Variants in RORB observed in about 807,000 individuals in gnomAD.
RORB encodes the protein nuclear receptor ROR-beta.
In RORB, 6 loss-of-function variants were observed where a neutral mutation model predicts 59.1. The ratio of observed to expected loss-of-function variants is 0.10; its 90% confidence interval spans 0.06 to 0.20. The LOEUF (loss-of-function observed/expected upper bound fraction) is 0.20. Among genes scored for constraint, RORB ranks in the 10% least tolerant of loss-of-function variants. The pLI is 1.00. For missense variants in RORB, 320 were observed against 560.5 expected, an observed-to-expected ratio of 0.57 and a Z score of 4.33; for synonymous variants, 215 against 204.5, an observed-to-expected ratio of 1.05 and a Z score of -0.44.
In RORB at chr9:74,549,458, GA is replaced by G. The variant is rs1189230585; in HGVS notation, c.7+51478del. Among the ~76,000 whole-genome samples, 199 of 118,228 alleles carry G rather than the reference GA, an allele frequency of 1.7e-3. 36 individuals are homozygous for G. The highest frequency in any genetic ancestry group is 6.3e-3 in the African/African-American group (191 of 30,496). The allele number at this position is 118,228 out of a possible 152,430, so 77.6% of individuals were successfully genotyped here. A position where few individuals can be genotyped will look rare whatever the true frequency, so the allele number is the denominator to read the frequency against. On this transcript the variant is annotated intron_variant, in intron 1 of 9. Coordinates refer to ENST00000376896, the MANE Select transcript of RORB (RefSeq NM_006914.4). The stretch of plus-strand genomic sequence containing the variant: ...AATTCCGTCAAAAAAAAAAAAAGAA[GA>G]AAGAGAGAGAGAGAGAGGTAGGGAG...
intron 1 of RORB, among the ~76,000 whole-genome samples, chr9:74,568,796 A>C (rs1822507134): frequency 6.6e-6 from 1 of 152,056 alleles, no homozygotes; most frequent in African/African-American, 2.4e-5. Flanking sequence ...GAGTGAAATG[A>C]ACATTTAAAA....
intron 4 of RORB, among the ~76,000 whole-genome samples, chr9:74,659,658 T>C (rs934873621): frequency 1.3e-5 from 2 of 152,052 alleles, no homozygotes; most frequent in Non-Finnish European, 2.9e-5. Context: ...ACCTGGCTAA[T>C]TTTTTGTGGT....
At chr9:74,513,471 G>C (rs888867565) in intron 1 of RORB, among the ~76,000 whole-genome samples, 7 of 151,970 alleles carry the variant, frequency 4.6e-5, no homozygotes, top group African/African-American at 1.7e-4. Context: ...TAACATATTT[G>C]TGTGATTTTT....
chr9:74,600,643 T>C (rs975611829), intron 1 of RORB, among the ~76,000 whole-genome samples: 1 of 152,242 alleles, frequency 6.6e-6, no homozygotes, highest in African/African-American at 2.4e-5. Flanking sequence ...GTTTTCTTAC[T>C]GAGATAGACT....
chr9:74,582,589 C>T (rs1022567813), intron 1 of RORB, among the ~76,000 whole-genome samples: 12 of 152,190 alleles, frequency 7.9e-5, no homozygotes, highest in Admixed American at 5.9e-4. Flanking sequence ...TAGTTACCAA[C>T]ATTACAAGAT....
At chr9:74,544,529 A>G (rs1313216755) in intron 1 of RORB, among the ~76,000 whole-genome samples, 1 of 152,194 alleles carries the variant, frequency 6.6e-6, no homozygotes, top group Non-Finnish European at 1.5e-5. Flanking sequence ...TGCTAAATTG[A>G]CATTCATCTT....
chr9:74,663,808 GC>G (rs954576716), intron 6 of RORB, among the ~76,000 whole-genome samples: 3 of 152,122 alleles, frequency 2.0e-5, no homozygotes, highest in Non-Finnish European at 4.4e-5. Context: ...TCCAAAGACT[GC>G]TTGGACTTGC....
In RORB at chr9:74,617,755, C is replaced by A. The variant is rs946311712; in HGVS notation, c.8-12527C>A. ...CTTCTAGAGTGACGTTCTAAATTAT[C>A]ATTTTGCTCCTGAAGCAATTTCTGG... is the stretch of plus-strand genomic sequence containing the variant. On this transcript the variant is annotated intron_variant, in intron 1 of 9. Transcript: ENST00000376896. Among the ~76,000 whole-genome samples, 2 of 152,136 alleles carry A rather than the reference C, an allele frequency of 1.3e-5. 1 individual carries two copies. The highest frequency in any genetic ancestry group is 4.1e-4 in the South Asian group (2 of 4,826).
At chr9:74,512,450 T>G (rs1214701929) in intron 1 of RORB, among the ~76,000 whole-genome samples, 1 of 152,216 alleles carries the variant, frequency 6.6e-6, no homozygotes, top group East Asian at 1.9e-4. Context: ...TGATGTTCAC[T>G]GCTAAAGTAG....
At chr9:74,596,546 G>C (rs781567329) in intron 1 of RORB, among the ~76,000 whole-genome samples, 21 of 152,186 alleles carry the variant, frequency 1.4e-4, no homozygotes, top group Admixed American at 3.3e-4. Context: ...AGGTTGTTTT[G>C]GTTACCCTAA....
chr9:74,539,973 A>C (rs929252187), intron 1 of RORB, among the ~76,000 whole-genome samples: 11 of 152,210 alleles, frequency 7.2e-5, no homozygotes, highest in Non-Finnish European at 1.3e-4. Flanking sequence ...TGTCAAATTT[A>C]AAAGGGAAAA....
chr9:74,620,539 A>G (rs1377507003), intron 1 of RORB, among the ~76,000 whole-genome samples: 4 of 151,528 alleles, frequency 2.6e-5, no homozygotes, highest in African/African-American at 9.7e-5. Flanking sequence ...TTGTGTCTCT[A>G]TTTCCTTCAG....
At chr9:74,679,873 G>A (rs903658131) in intron 9 of RORB, among the ~76,000 whole-genome samples, 5 of 152,088 alleles carry the variant, frequency 3.3e-5, no homozygotes, top group Admixed American at 6.6e-5. Flanking sequence ...CGAGGCAGGC[G>A]GATCAGATCA....
At chr9:74,574,940 T>C (rs1042547276) in intron 1 of RORB, among the ~76,000 whole-genome samples, 4 of 152,096 alleles carry the variant, frequency 2.6e-5, no homozygotes, top group Admixed American at 2.6e-4. Flanking sequence ...TAAGCGTATA[T>C]GGGACTGAAA....
chr9:74,556,770 G>A (rs746954647), intron 1 of RORB, among the ~76,000 whole-genome samples: 1 of 152,160 alleles, frequency 6.6e-6, no homozygotes, highest in Non-Finnish European at 1.5e-5. Flanking sequence ...AGGCAGCCAG[G>A]ATGGGGGCGG....
At chr9:74,561,857 A>G (rs758202871) in intron 1 of RORB, among the ~76,000 whole-genome samples, 16 of 152,196 alleles carry the variant, frequency 1.1e-4, no homozygotes, top group Non-Finnish European at 2.2e-4. Context: ...GTGTTTCTCT[A>G]ATCTATGAGA....
rs145933957 is a variant in RORB at position 74,504,414 on chromosome 9, T to C, written c.7+6431T>C. ...TTAGAACATTCTTGAAATAGGCATG[T>C]TTTTACAAAAGCCAAAACGAACATC... On this transcript the variant is annotated intron_variant, in intron 1 of 9. Coordinates refer to ENST00000376896, the MANE Select transcript of RORB (RefSeq NM_006914.4). 6.1e-3 allele frequency among the ~76,000 whole-genome samples: 934 copies of C among 152,150 alleles called. 16 individuals carry two copies. The highest frequency in any genetic ancestry group is 0.022 in the African/African-American group (905 of 41,562).
intron 1 of RORB, among the ~76,000 whole-genome samples, chr9:74,517,025 T>C (rs892403969): frequency 5.9e-5 from 9 of 152,002 alleles, no homozygotes; most frequent in African/African-American, 2.2e-4. Flanking sequence ...AATTAATATT[T>C]TATTTTCTCA....
At chr9:74,649,345 C>G (rs1172873998) in intron 4 of RORB, among the ~76,000 whole-genome samples, 6 of 152,176 alleles carry the variant, frequency 3.9e-5, no homozygotes, top group Non-Finnish European at 7.4e-5. Flanking sequence ...TTAGCACCAC[C>G]TTGTTCTGTG....
Sources: gnomAD v4.1 joint callset for allele counts (sites outside exome capture counted in the v4.1 genomes callset) on GRCh38, gnomAD v4.1.1 for gene constraint, MANE v1.5 for transcripts, NCBI Gene and HGNC (gene_info 2026-07-23, HGNC 2026-07-21) for gene names.